Variants in TNC observed in about 807,000 individuals in gnomAD.
The protein encoded by TNC is tenascin.
A neutral mutation model predicts 202.4 loss-of-function variants in TNC; 109 were observed. The ratio of observed to expected loss-of-function variants is 0.54; its 90% CI spans 0.46 to 0.63. The LOEUF (loss-of-function observed/expected upper bound fraction) is 0.63. Among genes scored for constraint, TNC ranks in the 30% least tolerant of loss-of-function variants. The pLI is 0.00. For missense variants in TNC, 2,756 were observed against 2,833.3 expected (o/e 0.97, Z 0.62); for synonymous variants, 1,007 against 1,089.7 (o/e 0.92, Z 1.50).
intron 11 of TNC, 77 bp downstream of exon 11, chr9:115,064,570 G>T: frequency 6.7e-7 from 1 of 1,494,702 alleles, no homozygotes; most frequent in Non-Finnish European, 9.0e-7. Context: ...CCATTCCAAA[G>T]CTAGTCGTGT....
chr9:115,114,516 C>T (rs1043799450), intron 1 of TNC, among the ~76,000 whole-genome samples: 2 of 152,170 alleles, frequency 1.3e-5, no homozygotes, highest in Non-Finnish European at 2.9e-5. Flanking sequence ...TTTGAACTTT[C>T]CTGTTTCCAG....
At position 115,090,465 on chromosome 9, in the gene TNC, T is replaced by C. The variant is rs1256109313; in HGVS notation, c.457+97A>G. 4.0e-6 allele frequency: 4 copies of C among 991,732 alleles called. No individual in the cohort carries two copies. In the South Asian group the frequency reaches 6.8e-5, roughly 17 times the overall value. 61.4% of individuals were successfully genotyped at this position (991,732 alleles called of 1,614,324 possible). ...TGAACACTCTGGGAAGCTAGTTTTC[T>C]AGTGAGCCCACTTTGGAAGCAAGTG... On this transcript the variant is annotated intron_variant, in intron 2 of 27. Transcript: ENST00000350763.
chr9:115,026,455 T>A, intron 26 of TNC, 79 bp downstream of exon 26: 1 of 1,466,354 alleles, frequency 6.8e-7, no homozygotes, highest in African/African-American at 1.4e-5. Context: ...GAGGAAGGAA[T>A]GAAAGTTAGA....
intron 17 of TNC, among the ~76,000 whole-genome samples, chr9:115,044,199 T>C (rs1830994434): frequency 6.7e-6 from 1 of 149,534 alleles, no homozygotes; most frequent in Non-Finnish European, 1.5e-5. Flanking sequence ...GGAAGAGGGA[T>C]AGGACATTAC....
chr9:115,086,656 C>T lies in TNC; in HGVS notation c.1075G>A (p.Gly359Arg), dbSNP rs773197290. The T allele has an allele frequency of 8.1e-6, 13 of 1,614,088 alleles. No homozygotes were observed. Among genetic ancestry groups the T allele is most frequent in the Admixed American group, 1.7e-5 (1 of 60,014 alleles). ...AAGCCCTCATCACATACACACTGCC[C>T]CTCCTCACACCGGCCCTGGGTGTGG... ...ACHTQGRCEE[G>R]QCVCDEGFAG... is the part of the protein sequence containing the mutation. The change falls in exon 3 of 28, where the codon GGG becomes AGG. Residue 359 changes from glycine (G) to arginine (R), a missense_variant. Physicochemically the swap from Gly to Arg is moderately radical, Grantham distance 125 (BLOSUM62 -2). Transcript: ENST00000350763.
intron 13 of TNC, among the ~76,000 whole-genome samples, chr9:115,061,093 G>A (rs1040416974): frequency 2.6e-5 from 4 of 152,144 alleles, no homozygotes; most frequent in Admixed American, 1.3e-4. Flanking sequence ...CAGTCTCTCA[G>A]CCACTGTTTT....
intron 1 of TNC, among the ~76,000 whole-genome samples, chr9:115,096,924 A>G (rs1835841525): frequency 6.6e-6 from 1 of 152,200 alleles, no homozygotes; most frequent in Non-Finnish European, 1.5e-5. Context: ...AAGTTGCTCC[A>G]GGAACCACTC....
At chr9:115,039,783 T>C (rs1830595467) in intron 19 of TNC, among the ~76,000 whole-genome samples, 1 of 152,214 alleles carries the variant, frequency 6.6e-6, no homozygotes, top group Admixed American at 6.5e-5. Context: ...CTTTAACTGG[T>C]GATGACAATG....
At chr9:115,100,006 A>G (rs550476599) in intron 1 of TNC, among the ~76,000 whole-genome samples, 11 of 152,326 alleles carry the variant, frequency 7.2e-5, no homozygotes, top group African/African-American at 2.6e-4. Context: ...AAGCAAATGA[A>G]TTAGCCTGGT....
At chr9:115,096,723 C>T (rs144777544) in intron 1 of TNC, among the ~76,000 whole-genome samples, 1 of 152,282 alleles carries the variant, frequency 6.6e-6, no homozygotes, top group African/African-American at 2.4e-5. Flanking sequence ...CATGTTTGAA[C>T]ATATCCAGGT....
At chr9:115,093,620 CTT>C (rs71375270) in intron 1 of TNC, among the ~76,000 whole-genome samples, 8 of 133,194 alleles carry the variant, frequency 6.0e-5, no homozygotes, top group Non-Finnish European at 8.2e-5. Flanking sequence ...CAATTCTTAG[CTT>C]TTTTTTTTTT....
intron 14 of TNC, 88 bp from the exon 15 acceptor site, chr9:115,057,513 C>T (rs1832228847): frequency 9.0e-6 from 12 of 1,334,008 alleles, no homozygotes; most frequent in Non-Finnish European, 1.2e-5. Context: ...GTTAATAGAA[C>T]CATTGCTGGG....
intron 10 of TNC, among the ~76,000 whole-genome samples, chr9:115,071,101 G>A (rs1025320180): frequency 3.3e-5 from 5 of 152,164 alleles, no homozygotes; most frequent in African/African-American, 9.7e-5. Context: ...TTAAATACCC[G>A]TCTTCTTTGC....
intron 10 of TNC, among the ~76,000 whole-genome samples, chr9:115,071,851 A>G (rs1225140076): frequency 6.6e-6 from 1 of 152,174 alleles, no homozygotes; most frequent in Non-Finnish European, 1.5e-5. Context: ...TATAAAGCTG[A>G]AATTTAAATC....
intron 6 of TNC, among the ~76,000 whole-genome samples, chr9:115,079,783 T>A (rs1373675770): frequency 3.3e-5 from 5 of 152,182 alleles, no homozygotes; most frequent in Non-Finnish European, 7.3e-5. Context: ...ACTGATTGAA[T>A]CCAAAGCCCA....
In TNC at chr9:115,093,164, T is replaced by C. The variant is rs141691399; in HGVS notation, c.-136-2010A>G. ...GCAAGGAAAATTGAACTGGGAAGCA[T>C]TCTATATGACTGATCAGGGGCCTAA... On this transcript the variant is annotated intron_variant, in intron 1 of 27. Transcript: ENST00000350763. Among the ~76,000 whole-genome samples the C allele has an allele frequency of 8.9e-3, 1,355 of 152,220 alleles. 71 individuals are homozygous for C. Among genetic ancestry groups the C allele is most frequent in the Admixed American group, 0.077 (1,180 of 15,290 alleles).
At chr9:115,093,917 G>T (rs924618360) in intron 1 of TNC, among the ~76,000 whole-genome samples, 1 of 152,060 alleles carries the variant, frequency 6.6e-6, no homozygotes, top group Non-Finnish European at 1.5e-5. Flanking sequence ...GGCTCATGGT[G>T]GTCTGAGGGC....
In TNC at chr9:115,051,148, G is replaced by A. The variant is rs117240086; in HGVS notation, c.4580-2616C>T. Among the ~76,000 whole-genome samples the A allele has an allele frequency of 5.1e-3, 771 of 152,180 alleles. 6 individuals carry two copies. The highest frequency in any genetic ancestry group is 5.9e-3 in the Non-Finnish European group (403 of 68,016). On this transcript the variant is annotated intron_variant, in intron 15 of 27. Transcript: ENST00000350763. ...AGAATTTAGTAAACTGACACCATGT[G>A]CAGCCTTTGCCATTGAAGTTTTTGC...
intron 15 of TNC, among the ~76,000 whole-genome samples, chr9:115,049,110 C>A (rs1831446633): frequency 6.6e-6 from 1 of 151,866 alleles, no homozygotes; most frequent in South Asian, 2.1e-4. Flanking sequence ...ATGGTTATAA[C>A]CCACTAAGAA....
Sources: allele counts gnomAD v4.1 joint callset (sites outside exome capture counted in the v4.1 genomes callset), GRCh38; gene constraint gnomAD v4.1.1; transcripts MANE v1.5; gene names NCBI Gene and HGNC (gene_info 2026-07-23, HGNC 2026-07-21).